The following ABCB10 variants were observed in gnomAD, a reference collection of about 807,000 sequenced individuals.
ABCB10 encodes ATP-binding cassette sub-family B member 10, mitochondrial.
ABCB10 carries 54 observed loss-of-function variants against 65.4 expected under a neutral mutation model. That is an observed-to-expected ratio of 0.83 (90% CI 0.66 to 1.04). The LOEUF (loss-of-function observed/expected upper bound fraction) is 1.04. ABCB10 is among the 50% of genes least tolerant of loss of function. ABCB10 has a pLI of 0.00. For synonymous variants in ABCB10, 418 were observed against 406.5 expected (o/e 1.03, Z -0.34); for missense variants, 846 against 976.6 (o/e 0.87, Z 1.78).
intron 8 of ABCB10, among the ~76,000 whole-genome samples, chr1:229,529,132 A>G (rs1456777560): frequency 2.7e-5 from 4 of 149,366 alleles, no homozygotes; most frequent in African/African-American, 9.9e-5. Context: ...TCTACTAAAA[A>G]TACAAAAAAA....
In ABCB10 at chr1:229,540,729, A is replaced by G. The variant is rs1558125498; in HGVS notation, c.1080T>C (p.Asn360=). Residue 360 remains asparagine (N), a synonymous_variant, in exon 5 of 13, where the codon AAT becomes AAC. Coordinates refer to ENST00000344517, the MANE Select transcript of ABCB10 (RefSeq NM_012089.3). ...TCCCAAAAGCTCGAACAGTTCTTAC[A>G]TTTCCAATACGTTCCTCAGCTAGCT... ...ATQLAEERIG[N]VRTVRAFGKE... 1 of 1,613,698 alleles carries G rather than the reference A, an allele frequency of 6.2e-7. No homozygotes were observed. Among genetic ancestry groups the G allele is most frequent in the Admixed American group, 1.7e-5 (1 of 59,994 alleles).
At chr1:229,549,538 C>T (rs1030369900) in intron 1 of ABCB10, 104 bp from the exon 2 acceptor site, 14 of 1,093,666 alleles carry the variant, frequency 1.3e-5, no homozygotes, top group South Asian at 7.6e-5. Context: ...TCAGAGTATG[C>T]GTTGATCTCA....
chr1:229,546,229 A>C (rs1026687997), intron 3 of ABCB10, among the ~76,000 whole-genome samples: 2 of 151,734 alleles, frequency 1.3e-5, no homozygotes, highest in East Asian at 3.9e-4. Context: ...AATAATAAAT[A>C]TATTTTACCT....
In ABCB10 at chr1:229,558,690, C is replaced by T. The variant is rs1408576787; in HGVS notation, c.-38G>A. 9 of 1,257,706 alleles carry T rather than the reference C, an allele frequency of 7.2e-6. No individual in the cohort carries two copies. The highest frequency in any genetic ancestry group is 3.2e-4 in the Middle Eastern group (1 of 3,166). 77.9% of individuals were successfully genotyped at this position (1,257,706 alleles called of 1,614,324 possible). On this transcript the variant is annotated 5_prime_UTR_variant, in exon 1 of 13. Transcript: ENST00000344517. ...GACCCGTACGCCTCAGCCCGCCGGC[C>T]AGGCGCGCGCAAAGCCCGAGGACCC...
intron 1 of ABCB10, among the ~76,000 whole-genome samples, chr1:229,551,900 GCA>G (rs971010360): frequency 3.3e-5 from 5 of 152,174 alleles, no homozygotes; most frequent in African/African-American, 1.2e-4. Context: ...AATTCCGAAA[GCA>G]CAGTGTATGT....
intron 9 of ABCB10, among the ~76,000 whole-genome samples, chr1:229,526,866 A>G (rs936627777): frequency 1.3e-5 from 2 of 152,196 alleles, no homozygotes; most frequent in Admixed American, 6.5e-5. Context: ...CCTGAAACTC[A>G]TTATGCAGAA....
In ABCB10 at chr1:229,558,100, G is replaced by C. The variant is rs1663303462; in HGVS notation, c.517+36C>G. On this transcript the variant is annotated intron_variant, in intron 1 of 12. Coordinates refer to ENST00000344517, the MANE Select transcript of ABCB10 (RefSeq NM_012089.3). Reference sequence around the variant, plus strand: ...GGGACCCCGCGTGTGGAGAAGGAGAGGCCCGGCGGAGGGAAGTGGCCGGGG... The same window carrying C: ...GGGACCCCGCGTGTGGAGAAGGAGACGCCCGGCGGAGGGAAGTGGCCGGGG... 6.0e-6 allele frequency: 8 copies of C among 1,325,118 alleles called. No individual in the cohort carries two copies. The East Asian group carries it at 2.5e-4, about 42-fold the overall frequency. 82.1% of individuals were successfully genotyped at this position (1,325,118 alleles called of 1,614,324 possible). A position where few individuals can be genotyped will look rare whatever the true frequency, so the allele number is the denominator to read the frequency against.
chr1:229,550,690 TAAA>T (rs11301432), intron 1 of ABCB10, among the ~76,000 whole-genome samples: 3 of 138,536 alleles, frequency 2.2e-5, no homozygotes, highest in Admixed American at 7.2e-5. Flanking sequence ...CTGTCTCTAC[TAAA>T]AAAAAAAAAA....
intron 3 of ABCB10, among the ~76,000 whole-genome samples, chr1:229,545,448 T>C (rs1347410064): frequency 6.6e-6 from 1 of 152,224 alleles, no homozygotes; most frequent in Non-Finnish European, 1.5e-5. Context: ...AGTCTAGAAC[T>C]GCACTGCCCA....
chr1:229,530,159 G>T, intron 8 of ABCB10, 40 bp downstream of exon 8: 1 of 1,602,812 alleles, frequency 6.2e-7, no homozygotes, highest in Non-Finnish European at 8.5e-7. Flanking sequence ...AGCAGAGCTC[G>T]GGAGAGTCCC....
At chr1:229,535,770 G>A (rs1219751092) in intron 6 of ABCB10, among the ~76,000 whole-genome samples, 1 of 150,438 alleles carries the variant, frequency 6.6e-6, no homozygotes, top group East Asian at 2.0e-4. Flanking sequence ...CTGTCACCCA[G>A]GCTGGAGTGC....
intron 11 of ABCB10, among the ~76,000 whole-genome samples, chr1:229,521,305 C>A (rs1400767653): frequency 6.6e-6 from 1 of 152,090 alleles, no homozygotes; most frequent in African/African-American, 2.4e-5. Flanking sequence ...CACTGTTTCA[C>A]TGGCTAGACT....
intron 3 of ABCB10, 89 bp from the exon 4 acceptor site, chr1:229,542,460 G>GGT: frequency 6.9e-7 from 1 of 1,439,608 alleles, no homozygotes; most frequent in Admixed American, 2.0e-5. Context: ...TGTGTGTGTG[G>GGT]GTGTGTCTGT....
intron 11 of ABCB10, among the ~76,000 whole-genome samples, chr1:229,519,724 G>A (rs1327050440): frequency 6.6e-6 from 1 of 152,234 alleles, no homozygotes; most frequent in East Asian, 1.9e-4. Flanking sequence ...GGGAAGTGGA[G>A]GCTGCAGTGA....
At chr1:229,530,482 T>C in intron 7 of ABCB10, 74 bp from the exon 8 acceptor site, 4 of 1,494,888 alleles carry the variant, frequency 2.7e-6, no homozygotes, top group Non-Finnish European at 3.7e-6. Flanking sequence ...GTTCTCCTAC[T>C]CATCTGGCTA....
rs144276366 is a variant in ABCB10, at chr1:229,547,522, C to A, written c.898G>T (p.Ala300Ser). 6.2e-7 allele frequency: 1 copy of A among 1,613,120 alleles called. No individual in the cohort carries two copies. Among genetic ancestry groups the A allele is most frequent in the Non-Finnish European group, 8.5e-7 (1 of 1,179,878 alleles). The change falls in exon 3 of 13, where the codon GCT becomes TCT. Residue 300 changes from alanine to serine, a missense_variant. Ala to Ser is a moderately conservative substitution (Grantham distance 99). Coordinates refer to ENST00000344517, the MANE Select transcript of ABCB10 (RefSeq NM_012089.3). ...LSDGLRAGAQ[A>S]SVGISMMFFV... ...ACCATCATACTGATGCCTACGGAAG[C>A]CTGGGCCCCGGCCCTGAGCCCATCT...
chr1:229,530,885 C>T (rs1419050954), intron 7 of ABCB10, among the ~76,000 whole-genome samples: 8 of 152,176 alleles, frequency 5.3e-5, no homozygotes, highest in African/African-American at 2.4e-5. Flanking sequence ...GCACAGCAGC[C>T]GCAGAACTGG....
Position 229,525,993 on chromosome 1 carries a change from G to A in ABCB10, c.1849C>T (p.Arg617Trp), listed in dbSNP as rs779835513. ...AEVANAVAFI[R>W]NFPQGFNTVV... ...GTGTTGAACCCTTGGGGGAAATTCC[G>A]GATGAAGGCCACTGCATTGGCCACT... Residue 617 changes from arginine to tryptophan, a missense_variant, in exon 10 of 13, where the codon CGG becomes TGG. Arg to Trp is a moderately radical substitution (Grantham distance 101). Transcript: ENST00000344517. The A allele has an allele frequency of 2.0e-5, 32 of 1,614,196 alleles. No homozygotes were observed. Among genetic ancestry groups the A allele is most frequent in the East Asian group, 6.7e-5 (3 of 44,888 alleles).
intron 3 of ABCB10, among the ~76,000 whole-genome samples, chr1:229,542,876 A>T (rs1157175752): frequency 6.6e-6 from 1 of 152,070 alleles, no homozygotes; most frequent in Non-Finnish European, 1.5e-5. Flanking sequence ...CACGCCTGTA[A>T]TCTCAGTACT....
Sources: allele counts gnomAD v4.1 joint callset (sites outside exome capture counted in the v4.1 genomes callset), GRCh38; gene constraint gnomAD v4.1.1; transcripts MANE v1.5; gene names NCBI Gene and HGNC (gene_info 2026-07-23, HGNC 2026-07-21).